The following CAPS2 variants were observed in gnomAD, a reference collection of about 807,000 sequenced individuals.
CAPS2 encodes the protein calcyphosin-2.
A neutral mutation model predicts 86.5 loss-of-function variants in CAPS2; 98 were observed. The ratio of observed to expected loss-of-function variants is 1.13; its 90% CI spans 0.96 to 1.34. The LOEUF (loss-of-function observed/expected upper bound fraction) is 1.34. Ranked by LOEUF, CAPS2 falls within the 40% of genes most tolerant of loss-of-function variation. The probability of loss-of-function intolerance (pLI) is 0.00; values close to 1 mark genes in which losing one functional copy is unlikely to be tolerated. For synonymous variants in CAPS2, 210 were observed against 225.1 expected (o/e 0.93, Z 0.60); for missense variants, 729 against 686.8 (o/e 1.06, Z -0.69).
chr12:75,277,561 C>T (rs1175742633), exon 17 of CAPS2: 1 of 947,848 alleles, frequency 1.1e-6, no homozygotes, highest in Non-Finnish European at 1.3e-6. Context: ...GAAAATAGCA[C>T]TAGAGGTTTA....
chr12:75,325,238 C>T lies in CAPS2; in HGVS notation c.131+1G>A. On this transcript the variant is annotated splice_donor_variant, in intron 2 of 16. Transcript: ENST00000393284. LOFTEE classifies it high-confidence loss of function. ...TCCAAATGTGAAGAAACGTAACTTA[C>T]ACTGGTGGGCAAGAATTCTGGTTTG... 1 of 1,549,120 alleles carries T rather than the reference C, an allele frequency of 6.5e-7. No individual in the cohort carries two copies.
chr12:75,326,559 T>C (rs945281033), upstream of CAPS2: 8 of 904,940 alleles, frequency 8.8e-6, no homozygotes, highest in Admixed American at 2.2e-5. Flanking sequence ...TGTTAAATGG[T>C]AATTCTTACT....
At chr12:75,366,990 T>G in intron 1 of CAPS2, 1 of 701,734 alleles carries the variant, frequency 1.4e-6, no homozygotes, top group Non-Finnish European at 2.6e-6. Context: ...TAACAAAATG[T>G]CCTTTCTCTT....
intron 16 of CAPS2, among the ~76,000 whole-genome samples, chr12:75,279,899 T>G (rs2033611328): frequency 6.6e-6 from 1 of 152,052 alleles, no homozygotes; most frequent in Non-Finnish European, 1.5e-5. Context: ...GCCATACTTT[T>G]GAACAGAGGA....
At chr12:75,332,540 T>C (rs2041405523), upstream of CAPS2, among the ~76,000 whole-genome samples, 2 of 152,194 alleles carry the variant, frequency 1.3e-5, no homozygotes, top group Non-Finnish European at 2.9e-5. Context: ...CATTTCCTTT[T>C]ATGTGATTAA....
intron 2 of CAPS2, 137 bp downstream of exon 3, chr12:75,325,102 G>C (rs533424110): frequency 1.2e-5 from 7 of 577,520 alleles, no homozygotes; most frequent in African/African-American, 1.9e-5. Flanking sequence ...TAATTTTCAG[G>C]CTATCCATAT....
intron 1 of CAPS2, among the ~76,000 whole-genome samples, chr12:75,349,230 G>A (rs2042649481): frequency 6.6e-6 from 1 of 152,178 alleles, no homozygotes; most frequent in Non-Finnish European, 1.5e-5. Context: ...AACTGCTCCA[G>A]ACCCACCTAA....
At position 75,299,035 on chromosome 12, in the gene CAPS2, T is replaced by C. The variant is rs1015087194; in HGVS notation, c.855-69A>G. 4.9e-6 allele frequency: 5 copies of C among 1,010,212 alleles called. No individual in the cohort carries two copies. In the South Asian group the frequency reaches 5.0e-5, roughly 10 times the overall value. The allele number at this position is 1,010,212 out of a possible 1,614,324, so 62.6% of individuals were successfully genotyped here. A position where few individuals can be genotyped will look rare whatever the true frequency, so the allele number is the denominator to read the frequency against. On this transcript the variant is annotated intron_variant, in intron 9 of 16. Transcript: ENST00000393284. ...TTTTAGATGAATTAACTAAAAAACA[T>C]GTTCATCTCAAGAAGGATAGCTAAC...
At position 75,311,724 on chromosome 12, in the gene CAPS2, C is replaced by CAAAAAAA. The variant is rs1188952105; in HGVS notation, c.659+1117_659+1123dup. 1.9e-4 allele frequency among the ~76,000 whole-genome samples: 3 copies of CAAAAAAA among 15,656 alleles called. 1 individual carries two copies. The highest frequency in any genetic ancestry group is 2.5e-4 in the Non-Finnish European group (2 of 7,928). The allele number at this position is 15,656 out of a possible 152,430, so 10.3% of individuals were successfully genotyped here. ...GGAAAAAAAAAAACAAAAAAAAAAACAAAAAAAAAAAAAAAAACCTGCCTC... is the reference window on the plus strand; with the variant it reads ...GGAAAAAAAAAAACAAAAAAAAAAACAAAAAAAAAAAAAAAAAAAAAAAACCTGCCTC... On this transcript the variant is annotated intron_variant, in intron 7 of 16. Coordinates refer to ENST00000393284, the Ensembl canonical transcript of CAPS2.
At chr12:75,278,774 G>A (rs2137955302) in exon 17 of CAPS2, 1 of 1,332,090 alleles carries the variant, frequency 7.5e-7, no homozygotes. Flanking sequence ...AAACAAACAA[G>A]AAACCAGAAT....
At chr12:75,294,749 A>C (rs1286545441) in intron 11 of CAPS2, among the ~76,000 whole-genome samples, 2 of 151,998 alleles carry the variant, frequency 1.3e-5, no homozygotes, top group East Asian at 3.9e-4. Flanking sequence ...TACACCAAAA[A>C]CATGTATGTG....
chr12:75,276,092 T>A, downstream of CAPS2: 1 of 1,061,694 alleles, frequency 9.4e-7, no homozygotes, highest in Non-Finnish European at 1.3e-6. Flanking sequence ...GAGCCTCTTC[T>A]CATGATCAGA....
At chr12:75,383,941 T>C (rs759987225) in intron 1 of CAPS2, among the ~76,000 whole-genome samples, 7 of 151,794 alleles carry the variant, frequency 4.6e-5, no homozygotes, top group Non-Finnish European at 1.0e-4. Flanking sequence ...AAAGAAAAAA[T>C]CTCAAAAGAA....
At chr12:75,313,648 T>C (rs771327884) in intron 6 of CAPS2, among the ~76,000 whole-genome samples, 2 of 152,110 alleles carry the variant, frequency 1.3e-5, no homozygotes, top group African/African-American at 4.8e-5. Context: ...TTTAGAAAGG[T>C]AAATAAAAGA....
intron 11 of CAPS2, among the ~76,000 whole-genome samples, chr12:75,297,971 T>G (rs2037176661): frequency 6.6e-6 from 1 of 152,092 alleles, no homozygotes; most frequent in Non-Finnish European, 1.5e-5. Flanking sequence ...GCCCCTCCTA[T>G]CTGGCCCTCT....
intron 1 of CAPS2, among the ~76,000 whole-genome samples, chr12:75,362,417 G>C (rs940742468): frequency 2.6e-5 from 4 of 152,116 alleles, no homozygotes; most frequent in African/African-American, 9.7e-5. Context: ...TCCCTATAAT[G>C]ATGTATGTAT....
intron 1 of CAPS2, among the ~76,000 whole-genome samples, chr12:75,348,686 C>T (rs907877977): frequency 6.6e-6 from 1 of 152,036 alleles, no homozygotes; most frequent in African/African-American, 2.4e-5. Flanking sequence ...AAATTATGTA[C>T]GTAACAGATT....
At chr12:75,360,789 A>C (rs1335877359) in intron 1 of CAPS2, 1 of 152,086 alleles carries the variant, frequency 6.6e-6, no homozygotes, top group East Asian at 1.9e-4. Flanking sequence ...TTTTCTTTCC[A>C]CACTGCCCTA....
chr12:75,326,117 A>G (rs2040756707), intron 1 of CAPS2, among the ~76,000 whole-genome samples: 2 of 152,142 alleles, frequency 1.3e-5, no homozygotes, highest in African/African-American at 4.8e-5. Flanking sequence ...TTTTTGTGAT[A>G]TTAGTAGCAA....
Sources: allele counts gnomAD v4.1 joint callset (sites outside exome capture counted in the v4.1 genomes callset), GRCh38; gene constraint gnomAD v4.1.1; transcripts MANE v1.5; gene names NCBI Gene and HGNC (gene_info 2026-07-23, HGNC 2026-07-21).